The following EPS15 variants were observed in gnomAD, a reference collection of about 807,000 sequenced individuals.
The protein encoded by EPS15 is epidermal growth factor receptor pathway substrate 15, also known as epidermal growth factor receptor substrate 15.
A neutral mutation model predicts 113.8 loss-of-function variants in EPS15; 72 were observed. The ratio of observed to expected loss-of-function variants is 0.63; its 90% CI spans 0.52 to 0.77. EPS15 has a LOEUF of 0.77. Among genes scored for constraint, EPS15 ranks in the 30% least tolerant of loss-of-function variants. The pLI, the probability that EPS15 is intolerant of heterozygous loss-of-function variation, is 0.00. For synonymous variants in EPS15, 344 were observed against 363.4 expected (o/e 0.95, Z 0.61); for missense variants, 1,048 against 1,045.8 (o/e 1.00, Z -0.03).
intron 13 of EPS15, among the ~76,000 whole-genome samples, chr1:51,421,463 T>TGC (rs1312460873): frequency 7.9e-5 from 12 of 152,214 alleles, no homozygotes; most frequent in Middle Eastern, 3.4e-3. Context: ...ACTCTAATTT[T>TGC]ACTGGTGCAA....
chr1:51,483,398 AGTGTGTGTGTGTGTGTGTGTGT>A (rs58892404), intron 1 of EPS15, among the ~76,000 whole-genome samples: 1 of 141,694 alleles, frequency 7.1e-6, no homozygotes, highest in Admixed American at 7.1e-5. Flanking sequence ...CAAGACTGCA[AGTGTGTGTGTGTGTGTGTGTGT>A]GTGTGTGTGT....
At chr1:51,367,529 G>A (rs1646534426) in intron 21 of EPS15, among the ~76,000 whole-genome samples, 1 of 152,096 alleles carries the variant, frequency 6.6e-6, no homozygotes, top group African/African-American at 2.4e-5. Flanking sequence ...CTCCAGCCTG[G>A]GCGACAGAGC....
intron 16 of EPS15, 136 bp downstream of exon 16, chr1:51,405,769 T>TCA (rs1474264278): frequency 1.7e-5 from 12 of 706,732 alleles, no homozygotes; most frequent in African/African-American, 1.6e-4. Flanking sequence ...GGATTAGGAC[T>TCA]CTCTGCTTCT....
chr1:51,519,141 G>T, intron 1 of EPS15, 58 bp downstream of exon 1: 1 of 1,259,684 alleles, frequency 7.9e-7, no homozygotes, highest in African/African-American at 1.6e-5. Flanking sequence ...CGAAGCTGAG[G>T]GCGGTGGGGG....
intron 8 of EPS15, chr1:51,458,684 C>A: frequency 2.8e-6 from 1 of 351,080 alleles, no homozygotes; most frequent in Non-Finnish European, 5.9e-6. Flanking sequence ...CTGCAGTGAG[C>A]TGAGATCCCG....
intron 14 of EPS15, 107 bp downstream of exon 14, chr1:51,409,428 T>C (rs1649477997): frequency 1.9e-6 from 2 of 1,063,346 alleles, no homozygotes; most frequent in East Asian, 2.5e-5. Flanking sequence ...GCTGACTGGA[T>C]TGCCAACCAC....
intron 12 of EPS15, among the ~76,000 whole-genome samples, chr1:51,439,611 C>T (rs900334935): frequency 5.3e-5 from 8 of 151,976 alleles, no homozygotes; most frequent in Admixed American, 5.2e-4. Flanking sequence ...CCAGGGAACA[C>T]GGAAATTAAG....
intron 13 of EPS15, among the ~76,000 whole-genome samples, chr1:51,421,173 G>A (rs1192243313): frequency 6.6e-6 from 1 of 152,002 alleles, no homozygotes; most frequent in Non-Finnish European, 1.5e-5. Context: ...AAAAACTGAG[G>A]TTTTTGTCAT....
intron 21 of EPS15, among the ~76,000 whole-genome samples, chr1:51,367,854 G>A (rs530368256): frequency 2.0e-5 from 3 of 152,192 alleles, no homozygotes; most frequent in South Asian, 2.1e-4. Context: ...TCCTCAGGCC[G>A]GGCACAGTGG....
intron 1 of EPS15, among the ~76,000 whole-genome samples, chr1:51,515,501 T>C (rs1309767555): frequency 1.3e-5 from 2 of 152,034 alleles, no homozygotes. Context: ...AAAAAATTCT[T>C]GCTAAACTAA....
At chr1:51,396,672 C>T (rs963624749) in intron 20 of EPS15, among the ~76,000 whole-genome samples, 3 of 152,062 alleles carry the variant, frequency 2.0e-5, no homozygotes, top group Non-Finnish European at 1.5e-5. Flanking sequence ...TGCAACCACC[C>T]TAAAAGGCCA....
In EPS15 at chr1:51,406,005, T is replaced by A. The variant is rs745457619; in HGVS notation, c.1577A>T (p.Tyr526Phe). Residue 526 changes from tyrosine (Y) to phenylalanine (F), a missense_variant, in exon 16 of 25, where the codon TAT (tyrosine) becomes TTT (phenylalanine). By Grantham distance (22) the Tyr-to-Phe change is conservative (BLOSUM62 3). Transcript: ENST00000371733. The part of the protein sequence containing the change: ...HSILVNGATD[Y>F]CSLSTSSSET... Reference sequence around the variant, plus strand: ...ACTGCTGCTGGTGCTGAGGCTGCAATAATCTGTAGCTCCGTTTACAAGAAT... The same window carrying A: ...ACTGCTGCTGGTGCTGAGGCTGCAAAAATCTGTAGCTCCGTTTACAAGAAT... 6.2e-7 allele frequency: 1 copy of A among 1,614,198 alleles called. No individual in the cohort carries two copies. Among genetic ancestry groups the A allele is most frequent in the Non-Finnish European group, 8.5e-7 (1 of 1,180,008 alleles).
At chr1:51,437,182 AACAAAG>A in intron 12 of EPS15, among the ~76,000 whole-genome samples, 1 of 152,286 alleles carries the variant, frequency 6.6e-6, no homozygotes, top group Non-Finnish European at 1.5e-5. Flanking sequence ...TAAAGATGAA[AACAAAG>A]ACAACGAAAT....
intron 21 of EPS15, among the ~76,000 whole-genome samples, chr1:51,376,800 A>T (rs1247046012): frequency 6.6e-6 from 1 of 152,246 alleles, no homozygotes; most frequent in East Asian, 1.9e-4. Context: ...TCTTGCAGCC[A>T]GGCAGTAATT....
At chr1:51,505,102 A>T (rs1644475948) in intron 1 of EPS15, among the ~76,000 whole-genome samples, 1 of 152,016 alleles carries the variant, frequency 6.6e-6, no homozygotes, top group Non-Finnish European at 1.5e-5. Flanking sequence ...CCTGGGTGAA[A>T]GAGTGAGACT....
chr1:51,429,051 C>T (rs1651474959), intron 12 of EPS15, among the ~76,000 whole-genome samples: 1 of 152,000 alleles, frequency 6.6e-6, no homozygotes, highest in Admixed American at 6.6e-5. Context: ...ACCACCACAG[C>T]CAACTAATTT....
At position 51,402,476 on chromosome 1, in the gene EPS15, T is replaced by C; in HGVS notation, c.1841A>G (p.Asp614Gly). The change falls in exon 18 of 25, where the codon GAT becomes GGT. Residue 614 changes from aspartate to glycine, a missense_variant. Coordinates refer to ENST00000371733, the MANE Select transcript of EPS15 (RefSeq NM_001981.3). ...DSSSLTGPVA[D>G]TNLDFFQSDP... ...AGACTGGAAAAAATCCAAGTTTGTA[T>C]CTGCAACTGGACCTGTCAGCGAACT... 6.3e-7 allele frequency: 1 copy of C among 1,592,052 alleles called. No homozygotes were observed. The highest frequency in any genetic ancestry group is 1.1e-5 in the South Asian group (1 of 87,392).
At chr1:51,512,490 C>CA (rs1012294320) in intron 1 of EPS15, among the ~76,000 whole-genome samples, 11 of 149,710 alleles carry the variant, frequency 7.3e-5, no homozygotes, top group East Asian at 1.9e-4. Context: ...ATGCCAAAAA[C>CA]AAAAAAAAAT....
intron 1 of EPS15, among the ~76,000 whole-genome samples, chr1:51,483,824 C>A (rs1644068362): frequency 6.6e-6 from 1 of 151,226 alleles, no homozygotes; most frequent in Admixed American, 6.6e-5. Flanking sequence ...AAGGCAGAGT[C>A]AGACGGATGT....
Sources: allele counts gnomAD v4.1 joint callset (sites outside exome capture counted in the v4.1 genomes callset), GRCh38; gene constraint gnomAD v4.1.1; transcripts MANE v1.5; gene names NCBI Gene and HGNC (gene_info 2026-07-23, HGNC 2026-07-21).